The following ANAPC2 variants were observed in gnomAD, a reference collection of about 807,000 sequenced individuals.
ANAPC2 encodes the protein anaphase-promoting complex subunit 2.
In ANAPC2, 29 loss-of-function variants were observed where a neutral mutation model predicts 84.3. The observed-to-expected ratio is 0.34, with a 90% CI of 0.26 to 0.47. ANAPC2 has a LOEUF of 0.47. ANAPC2 is among the 20% of genes least tolerant of loss of function. The pLI, the probability that ANAPC2 is intolerant of heterozygous loss-of-function variation, is 1.00. For synonymous variants in ANAPC2, 571 were observed against 479.4 expected (o/e 1.19, Z -2.50); for missense variants, 857 against 1,131.7 (o/e 0.76, Z 3.48).
intron 3 of ANAPC2, among the ~76,000 whole-genome samples, chr9:137,185,969 G>A (rs572113108): frequency 1.8e-4 from 27 of 152,294 alleles, no homozygotes; most frequent in African/African-American, 5.8e-4. Flanking sequence ...TAGCCCCCTC[G>A]GGATCCTGGC....
At position 137,181,802 on chromosome 9, in the gene ANAPC2, T is replaced by C. The variant is rs761572272; in HGVS notation, c.1347A>G (p.Thr449=). ...TGGACAGCTCAACAGCCAGGTCCCC[T>C]GTCCCGTCCGAGTCCCCCGTCAGCC... The part of the protein sequence containing the change: ...VAGLTGDSDG[T]GDLAVELSKT... The change falls in exon 7 of 13, where the codon ACA becomes ACG. Residue 449 remains threonine, a synonymous_variant. Transcript: ENST00000323927. The C allele has an allele frequency of 2.5e-6, 4 of 1,609,716 alleles. No homozygotes were observed. Among genetic ancestry groups the C allele is most frequent in the Non-Finnish European group, 2.5e-6 (3 of 1,179,966 alleles).
Position 137,179,779 on chromosome 9 carries a change from C to T in ANAPC2, c.1890+402G>A, listed in dbSNP as rs114951611. On this transcript the variant is annotated intron_variant, in intron 10 of 12. Transcript: ENST00000323927. Reference sequence around the variant, plus strand: ...TGCCCTGGGCAGAGGGCAGCCCTGGCTCCCTAGCTGCCTCCCTGCAGTGAC... The same window carrying T: ...TGCCCTGGGCAGAGGGCAGCCCTGGTTCCCTAGCTGCCTCCCTGCAGTGAC... Among the ~76,000 whole-genome samples the T allele has an allele frequency of 7.9e-3, 1,210 of 152,336 alleles. 6 individuals are homozygous for T. The highest frequency in any genetic ancestry group is 0.018 in the South Asian group (87 of 4,830).
intron 3 of ANAPC2, among the ~76,000 whole-genome samples, chr9:137,185,631 A>C (rs1338899640): frequency 1.3e-5 from 2 of 152,144 alleles, no homozygotes; most frequent in African/African-American, 4.8e-5. Context: ...CATCACAGCC[A>C]ATCTGCACCT....
intron 4 of ANAPC2, among the ~76,000 whole-genome samples, chr9:137,184,634 G>C (rs1424182599): frequency 7.8e-6 from 1 of 128,624 alleles, no homozygotes; most frequent in Non-Finnish European, 1.6e-5. Flanking sequence ...GAGCAGACAC[G>C]GTGAAGGCAC....
intron 1 of ANAPC2, 31 bp downstream of exon 1, chr9:137,188,385 G>C (rs1214346844): frequency 1.9e-6 from 3 of 1,589,100 alleles, no homozygotes; most frequent in African/African-American, 1.3e-5. Flanking sequence ...GAAACTCCGC[G>C]CGGGGCCGCC....
rs1164682873 is a variant in ANAPC2, at chr9:137,174,917, G to GGCGA, written c.*24_*25insTCGC. 1 of 1,471,016 alleles carries GGCGA rather than the reference G, an allele frequency of 6.8e-7. No homozygotes were observed. The highest frequency in any genetic ancestry group is 9.0e-7 in the Non-Finnish European group (1 of 1,111,660). 91.1% of individuals were successfully genotyped at this position (1,471,016 alleles called of 1,614,324 possible). On this transcript the variant is annotated 3_prime_UTR_variant, in exon 13 of 13. Transcript: ENST00000323927. This position sits in a 1 kb window ranked among gnomAD's most constrained non-coding sequence, Gnocchi z 6.1. ...AGCACCTGCAGGGCAGCGCCTGGCG[G>GGCGA]GCGGGCGGGCGGGCGGGCGATGTGT...
chr9:137,180,247 C>T lies in ANAPC2; in HGVS notation c.1824G>A (p.Lys608=), dbSNP rs539372053. 6.2e-7 allele frequency: 1 copy of T among 1,613,828 alleles called. No homozygotes were observed. Among genetic ancestry groups the T allele is most frequent in the African/African-American group, 1.3e-5 (1 of 75,072 alleles). Residue 608 remains lysine, a synonymous_variant, in exon 10 of 13, where the codon AAG becomes AAA. Transcript: ENST00000323927. Reference sequence around the variant, plus strand: ...CCCTGATATCCTCGGGGACCTCCAGCTTCTCGTCCTTGAAGGGCGGCCAGA... The same window carrying T: ...CCCTGATATCCTCGGGGACCTCCAGTTTCTCGTCCTTGAAGGGCGGCCAGA... ...SEFWPPFKDE[K]LEVPEDIRAA...
chr9:137,184,617 GCAGA>G (rs1834419460), intron 4 of ANAPC2, among the ~76,000 whole-genome samples: 1 of 134,352 alleles, frequency 7.4e-6, no homozygotes, highest in Non-Finnish European at 1.6e-5. Flanking sequence ...AGCCCCAGAC[GCAGA>G]CAGAGCAGAC....
In ANAPC2 at chr9:137,187,648, C is replaced by T. The variant is rs1337914255; in HGVS notation, c.573G>A (p.Gly191=). ...LRVYMQSKRK[G]EGGTDPELEG... is the part of the protein sequence containing the mutation. Reference sequence around the variant, plus strand: ...CCAGTTCCGGGTCTGTGCCCCCTTCCCCCTTCCTCTTACTCTGCATATAGA... The same window carrying T: ...CCAGTTCCGGGTCTGTGCCCCCTTCTCCCTTCCTCTTACTCTGCATATAGA... Residue 191 remains glycine, a synonymous_variant, in exon 2 of 13, where the codon GGG becomes GGA. Coordinates refer to ENST00000323927, the MANE Select transcript of ANAPC2 (RefSeq NM_013366.4). The T allele has an allele frequency of 1.2e-6, 2 of 1,614,138 alleles. No homozygotes were observed. Among genetic ancestry groups the T allele is most frequent in the East Asian group, 2.2e-5 (1 of 44,892 alleles).
chr9:137,188,370 T>C (rs1378949008), intron 1 of ANAPC2, 46 bp downstream of exon 1: 1 of 1,573,856 alleles, frequency 6.4e-7, no homozygotes, highest in Non-Finnish European at 8.6e-7. Flanking sequence ...GCGCGTACGG[T>C]CCCGGAAACT....
Position 137,180,199 on chromosome 9 carries a change from C to T in ANAPC2, c.1872G>A (p.Lys624=), listed in dbSNP as rs746255843. 100 of 1,613,596 alleles carry T rather than the reference C, an allele frequency of 6.2e-5. No homozygotes were observed. Among genetic ancestry groups the T allele is most frequent in the Middle Eastern group, 3.3e-4 (2 of 6,084 alleles). The part of the protein sequence containing the change: ...DIRAALEAYC[K]KYEQLKAMRT... ...GAGGTACCTTGAGCTGCTCATACTT[C>T]TTGCAGTAAGCCTCCAGGGCTGCCC... The change falls in exon 10 of 13, where the codon AAG becomes AAA. Residue 624 remains lysine, a synonymous_variant. Coordinates refer to ENST00000323927, the MANE Select transcript of ANAPC2 (RefSeq NM_013366.4).
rs1834188699 is a variant in ANAPC2, at chr9:137,175,492, G to A, written c.2021-20C>T. ...AGCTGGCTGCGTGCAGAGTCACCGG[G>A]ACGCTGGGCAGCCTGGGCACGGGCT... On this transcript the variant is annotated intron_variant, in intron 11 of 12. Coordinates refer to ENST00000323927, the MANE Select transcript of ANAPC2 (RefSeq NM_013366.4). 3 of 1,536,772 alleles carry A rather than the reference G, an allele frequency of 2.0e-6. No homozygotes were observed. Among genetic ancestry groups the A allele is most frequent in the Middle Eastern group, 1.7e-4 (1 of 5,776 alleles).
At chr9:137,178,140 A>C (rs1046475333) in intron 10 of ANAPC2, among the ~76,000 whole-genome samples, 1 of 152,176 alleles carries the variant, frequency 6.6e-6, no homozygotes, top group African/African-American at 2.4e-5. Context: ...ACCCCTCTTT[A>C]TGGACAGAAA....
chr9:137,181,645 C>A (rs957219907), intron 7 of ANAPC2, 36 bp downstream of exon 7: 7 of 1,546,006 alleles, frequency 4.5e-6, no homozygotes, highest in Admixed American at 1.9e-5. Flanking sequence ...AAGCGCCCCC[C>A]ACACTGGTGA....
chr9:137,186,659 C>T (rs1234744558), intron 2 of ANAPC2: 2 of 422,800 alleles, frequency 4.7e-6, no homozygotes. Context: ...TGTCGGGGGC[C>T]CTAGCCTTAT....
chr9:137,181,728 G>T lies in ANAPC2; in HGVS notation c.1421C>A (p.Ser474Ter). 6.2e-7 allele frequency: 1 copy of T among 1,612,282 alleles called. No individual in the cohort carries two copies. The part of the protein sequence containing the change: ...LETGQDSEDD[S>*]GEPEDWVPDP... The stretch of plus-strand genomic sequence containing the variant: ...CGGGACCCAGTCCTCTGGCTCGCCT[G>T]AGTCATCCTCACTGTCCTGGCCTGT... The change falls in exon 7 of 13, where the codon TCA becomes TAA. Residue 474 changes from serine (S) to a stop codon, truncating the protein, a stop_gained. Transcript: ENST00000323927. LOFTEE classifies it high-confidence loss of function.
intron 1 of ANAPC2, 29 bp downstream of exon 1, chr9:137,188,387 G>A (rs750007776): frequency 1.9e-6 from 3 of 1,592,210 alleles, no homozygotes; most frequent in Admixed American, 1.7e-5. Flanking sequence ...AACTCCGCGC[G>A]GGGCCGCCCC....
At position 137,187,386 on chromosome 9, in the gene ANAPC2, C is replaced by T. The variant is rs1022477325; in HGVS notation, c.740+95G>A. The T allele has an allele frequency of 1.6e-5, 23 of 1,474,084 alleles. No homozygotes were observed. The Middle Eastern group carries it at 1.7e-3, about 111-fold the overall frequency. 91.3% of individuals were successfully genotyped at this position (1,474,084 alleles called of 1,614,324 possible). A position where few individuals can be genotyped will look rare whatever the true frequency, so the allele number is the denominator to read the frequency against. On this transcript the variant is annotated intron_variant, in intron 2 of 12. Coordinates refer to ENST00000323927, the MANE Select transcript of ANAPC2 (RefSeq NM_013366.4). Reference sequence around the variant, plus strand: ...TCTGTCATGTTCCTGGTTATCAGGACGGCTCACCAGCTTTCTGCTGAGGCC... The same window carrying T: ...TCTGTCATGTTCCTGGTTATCAGGATGGCTCACCAGCTTTCTGCTGAGGCC...
chr9:137,181,458 C>T (rs1428993872), intron 7 of ANAPC2, among the ~76,000 whole-genome samples: 1 of 152,198 alleles, frequency 6.6e-6, no homozygotes, highest in Non-Finnish European at 1.5e-5. Context: ...CAGGGCATCC[C>T]CCACGGCCAG....
Sources: allele counts gnomAD v4.1 joint callset (sites outside exome capture counted in the v4.1 genomes callset), GRCh38; gene constraint gnomAD v4.1.1; non-coding constraint Gnocchi (gnomAD v3.1); transcripts MANE v1.5; gene names NCBI Gene and HGNC (gene_info 2026-07-23, HGNC 2026-07-21).